Variants in DNAI3 observed in about 807,000 individuals in gnomAD.
DNAI3 encodes WD repeat domain 63.
DNAI3 carries 83 observed loss-of-function variants against 115.5 expected under a neutral mutation model. The observed-to-expected ratio is 0.72, with a 90% CI of 0.60 to 0.86. The LOEUF is 0.86. Among genes scored for constraint, DNAI3 ranks in the 40% least tolerant of loss-of-function variants. DNAI3 has a pLI of 0.00. For synonymous variants in DNAI3, 320 were observed against 347.0 expected (o/e 0.92, Z 0.86); for missense variants, 1,004 against 1,075.8 (o/e 0.93, Z 0.93).
chr1:85,100,615 A>G (rs545470573), intron 13 of DNAI3, among the ~76,000 whole-genome samples: 3 of 152,280 alleles, frequency 2.0e-5, no homozygotes, highest in South Asian at 2.1e-4. Flanking sequence ...CAGCCATCCC[A>G]TTACTGGGTA....
At chr1:85,102,008 A>G (rs552343622) in intron 13 of DNAI3, among the ~76,000 whole-genome samples, 2 of 152,168 alleles carry the variant, frequency 1.3e-5, no homozygotes, top group East Asian at 3.9e-4. Flanking sequence ...CAGCCTGGGC[A>G]ACATGGCGAA....
intron 9 of DNAI3, chr1:85,094,029 T>A (rs913782085): frequency 1.4e-5 from 6 of 416,692 alleles, no homozygotes; most frequent in African/African-American, 1.2e-4. Flanking sequence ...TGTGCCTCCT[T>A]TAAAGAGCTC....
chr1:85,118,994 G>A (rs140092464), intron 17 of DNAI3, among the ~76,000 whole-genome samples: 1,600 of 152,208 alleles, frequency 0.011, 33 homozygotes, highest in African/African-American at 0.037. Context: ...ATGCCTGGTT[G>A]GAATCCAATA....
chr1:85,107,842 G>C (rs1410157651), intron 14 of DNAI3, among the ~76,000 whole-genome samples, 191 bp from the exon 15 acceptor site: 1 of 152,144 alleles, frequency 6.6e-6, no homozygotes, highest in East Asian at 1.9e-4. Context: ...GAGGGAGGCT[G>C]TTAACTCAAT....
At chr1:85,104,501 TC>T in intron 13 of DNAI3, 22 bp from the exon 14 acceptor site, 1 of 1,598,752 alleles carries the variant, frequency 6.3e-7, no homozygotes, top group Non-Finnish European at 8.6e-7. Flanking sequence ...CAATTTTATT[TC>T]TCTTTCATTT....
chr1:85,084,277 T>TATATATATACAC (rs59205168), intron 5 of DNAI3, among the ~76,000 whole-genome samples: 9 of 128,486 alleles, frequency 7.0e-5, no homozygotes, highest in East Asian at 2.5e-4. Flanking sequence ...TATATATATA[T>TATATATATACAC]ACACATCCAT....
At chr1:85,084,789 T>C (rs1033927476) in intron 6 of DNAI3, 94 bp downstream of exon 6, 7 of 1,220,006 alleles carry the variant, frequency 5.7e-6, no homozygotes, top group East Asian at 2.9e-5. Context: ...GTGTTTGCTA[T>C]GGAGGCATAG....
At chr1:85,096,323 A>ATTACTACC (rs1490946762) in intron 11 of DNAI3, among the ~76,000 whole-genome samples, 1 of 152,080 alleles carries the variant, frequency 6.6e-6, no homozygotes, top group African/African-American at 2.4e-5. Flanking sequence ...AGCTACAAGC[A>ATTACTACC]TTACTACCTC....
intron 5 of DNAI3, among the ~76,000 whole-genome samples, chr1:85,083,248 G>A (rs1438033240): frequency 6.6e-6 from 1 of 152,156 alleles, no homozygotes; most frequent in Non-Finnish European, 1.5e-5. Context: ...CCAGCACTTC[G>A]GGAGGCTGAG....
At chr1:85,129,289 A>G (rs374800144) in intron 21 of DNAI3, among the ~76,000 whole-genome samples, 8 of 152,342 alleles carry the variant, frequency 5.3e-5, no homozygotes, top group African/African-American at 1.7e-4. Flanking sequence ...ATGAGGCTTT[A>G]AAAAGATCAA....
At chr1:85,090,018 A>G (rs2100576457) in intron 7 of DNAI3, 98 bp from the exon 8 acceptor site, 1 of 471,606 alleles carries the variant, frequency 2.1e-6, no homozygotes, top group Admixed American at 3.4e-5. Context: ...TAATATCCTA[A>G]CATCATTGTC....
chr1:85,082,117 T>A (rs114735279), intron 4 of DNAI3, among the ~76,000 whole-genome samples, 183 bp from the exon 5 acceptor site: 8 of 152,234 alleles, frequency 5.3e-5, no homozygotes, highest in African/African-American at 1.9e-4. Flanking sequence ...GGATGCATTA[T>A]GTTTTTAAGA....
At position 85,084,711 on chromosome 1, in the gene DNAI3, A is replaced by T; in HGVS notation, c.540+16A>T. 6.9e-7 allele frequency: 1 copy of T among 1,458,080 alleles called. No homozygotes were observed. Among genetic ancestry groups the T allele is most frequent in the South Asian group, 1.6e-5 (1 of 64,202 alleles). 90.3% of individuals were successfully genotyped at this position (1,458,080 alleles called of 1,614,324 possible). A position where few individuals can be genotyped will look rare whatever the true frequency, so the allele number is the denominator to read the frequency against. On this transcript the variant is annotated intron_variant, in intron 6 of 22. Coordinates refer to ENST00000294664, the MANE Select transcript of DNAI3 (RefSeq NM_145172.5). ...TACAAAGCAGGTTAGAGGGTTATAT[A>T]TGATCTGTAATCATTACCTCCCTGT...
chr1:85,063,728 A>G (rs544832660), intron 1 of DNAI3, among the ~76,000 whole-genome samples: 1 of 152,172 alleles, frequency 6.6e-6, no homozygotes, highest in South Asian at 2.1e-4. Context: ...TAAGAGATGC[A>G]TTTTTGGAGA....
chr1:85,108,243 A>G, intron 15 of DNAI3, 66 bp downstream of exon 15: 1 of 1,433,940 alleles, frequency 7.0e-7, no homozygotes, highest in South Asian at 1.7e-5. Flanking sequence ...GCATGCATAG[A>G]CATACATATA....
At position 85,086,019 on chromosome 1, in the gene DNAI3, T is replaced by C; in HGVS notation, c.729T>C (p.Thr243=). 6.2e-7 allele frequency: 1 copy of C among 1,613,902 alleles called. No homozygotes were observed. The highest frequency in any genetic ancestry group is 1.1e-5 in the South Asian group (1 of 91,030). The part of the protein sequence containing the change: ...QVIPQIKDIS[T]QTKWTYPKNA... ...TCCCCCAAATAAAGGACATAAGCAC[T>C]CAGACAAAATGGTAAGTATGTGATG... The change falls in exon 7 of 23, where the codon ACT becomes ACC. Residue 243 remains threonine (T), a synonymous_variant. Coordinates refer to ENST00000294664, the MANE Select transcript of DNAI3 (RefSeq NM_145172.5).
rs12088304 is a variant in DNAI3 at position 85,081,367 on chromosome 1, C to T, written c.237C>T (p.Arg79=). 2,534 of 1,601,710 alleles carry T rather than the reference C, an allele frequency of 1.6e-3. 35 individuals are homozygous for T. In the African/African-American group the frequency reaches 0.03, roughly 19 times the overall value. ...AAGAAGACATTTTTGAGGACCTGCGCAACAGAGCTGCAGTATCTGATTTCC... is the reference window on the plus strand; with the variant it reads ...AAGAAGACATTTTTGAGGACCTGCGTAACAGAGCTGCAGTATCTGATTTCC... The part of the protein sequence containing the change: ...INKEDIFEDL[R]NRAAVSDFHP... Residue 79 remains arginine, a synonymous_variant, in exon 4 of 23, where the codon CGC becomes CGT. Transcript: ENST00000294664.
At chr1:85,080,140 C>T (rs1271396734) in intron 3 of DNAI3, among the ~76,000 whole-genome samples, 2 of 146,606 alleles carry the variant, frequency 1.4e-5, no homozygotes, top group Non-Finnish European at 3.0e-5. Flanking sequence ...CAACCTCCAC[C>T]TCCCAGGTTA....
chr1:85,125,365 A>C (rs1417350), intron 19 of DNAI3, among the ~76,000 whole-genome samples: 96,142 of 151,672 alleles, frequency 0.63, 31,723 homozygotes, highest in South Asian at 0.83. Flanking sequence ...TGGTATACAT[A>C]TATACATATA....
Sources: gnomAD v4.1 joint callset for allele counts (sites outside exome capture counted in the v4.1 genomes callset) on GRCh38, gnomAD v4.1.1 for gene constraint, MANE v1.5 for transcripts, NCBI Gene and HGNC (gene_info 2026-07-23, HGNC 2026-07-21) for gene names.